SPRR2G: variants seen among roughly 807,000 people sequenced by gnomAD.
SPRR2G encodes small proline rich protein 2G.
Under a neutral mutation model 0.7 loss-of-function variants are expected in SPRR2G, and 1 was observed. The ratio of observed to expected loss-of-function variants is 1.49; its 90% CI spans 0.53 to 7.06. The LOEUF is 7.06. Ranked by LOEUF, SPRR2G falls within the 30% of genes most tolerant of loss-of-function variation. The probability of loss-of-function intolerance (pLI) is 0.14; values close to 1 mark genes in which losing one functional copy is unlikely to be tolerated. For synonymous variants in SPRR2G, 38 were observed against 33.9 expected (o/e 1.12, Z -0.42); for missense variants, 96 against 88.5 (o/e 1.09, Z -0.34).
chr1:153,185,555 T>C, the SPRR2G span, among the ~76,000 whole-genome samples: 1 of 152,190 alleles, frequency 6.6e-6, no homozygotes, highest in Non-Finnish European at 1.5e-5. Context: ...GAGGGATCAG[T>C]GGTGATATCC....
the SPRR2G span, among the ~76,000 whole-genome samples, chr1:153,166,451 T>TTTGTTG: frequency 6.6e-6 from 1 of 152,094 alleles, no homozygotes; most frequent in African/African-American, 2.4e-5. Context: ...TACAAGCCTT[T>TTTGTTG]TTGTTGTTGT....
the SPRR2G span, among the ~76,000 whole-genome samples, chr1:153,173,781 C>G: frequency 3.7e-4 from 57 of 152,238 alleles, no homozygotes; most frequent in African/African-American, 1.3e-3. Context: ...GAGTTCCTTC[C>G]ATGGGGTTGG....
chr1:153,193,875 A>G, the SPRR2G span, among the ~76,000 whole-genome samples: 1 of 152,152 alleles, frequency 6.6e-6, no homozygotes, highest in African/African-American at 2.4e-5. Flanking sequence ...TAGAGCAATC[A>G]TACCTCCTCA....
At chr1:153,176,865 C>T in the SPRR2G span, among the ~76,000 whole-genome samples, 1 of 152,130 alleles carries the variant, frequency 6.6e-6, no homozygotes, top group African/African-American at 2.4e-5. Context: ...TTTATCTCAA[C>T]AAAGAACTTA....
At position 153,150,032 on chromosome 1, in the gene SPRR2G, A is replaced by G. The variant is rs772655421; in HGVS notation, c.79T>C (p.Cys27Arg). 1 of 1,613,644 alleles carries G rather than the reference A, an allele frequency of 6.2e-7. No individual in the cohort carries two copies. Among genetic ancestry groups the G allele is most frequent in the South Asian group, 1.1e-5 (1 of 91,066 alleles). The change falls in exon 2 of 2, where the codon TGT (cysteine) becomes CGT (arginine). Residue 27 changes from cysteine to arginine, a missense_variant. Coordinates refer to ENST00000368748, the MANE Select transcript of SPRR2G (RefSeq NM_001014291.4). ...VCPTPKCPEP[C>R]PPPKCPEPYL... is the part of the protein sequence containing the mutation. ...GGCTCAGGGCACTTCGGGGGTGGAC[A>G]TGGCTCTGGGCACTTTGGCGTGGGG...
chr1:153,174,941 CACTT>C, the SPRR2G span, among the ~76,000 whole-genome samples: 1 of 152,116 alleles, frequency 6.6e-6, no homozygotes, highest in Non-Finnish European at 1.5e-5. Context: ...AAAGAAGAAA[CACTT>C]AATACCTCAG....
the SPRR2G span, among the ~76,000 whole-genome samples, chr1:153,167,331 A>G: frequency 2.0e-5 from 3 of 152,074 alleles, no homozygotes; most frequent in Admixed American, 2.0e-4. Context: ...AAAATTAGCC[A>G]GGCGTGGTGG....
chr1:153,194,462 G>A, the SPRR2G span, among the ~76,000 whole-genome samples: 1 of 152,312 alleles, frequency 6.6e-6, no homozygotes, highest in Admixed American at 6.5e-5. Flanking sequence ...CCTGAGAAGA[G>A]GGTGTTAGCA....
chr1:153,155,903 A>C, the SPRR2G span, among the ~76,000 whole-genome samples: 1 of 152,192 alleles, frequency 6.6e-6, no homozygotes, highest in Non-Finnish European at 1.5e-5. Context: ...ACCCTACCTA[A>C]GAGTCCCATA....
the SPRR2G span, among the ~76,000 whole-genome samples, chr1:153,181,704 T>G: frequency 6.6e-6 from 1 of 152,010 alleles, no homozygotes; most frequent in Non-Finnish European, 1.5e-5. Flanking sequence ...CTATTTAACA[T>G]AATGACCTCC....
the SPRR2G span, among the ~76,000 whole-genome samples, chr1:153,168,485 T>C: frequency 6.6e-6 from 1 of 152,198 alleles, no homozygotes; most frequent in Non-Finnish European, 1.5e-5. Context: ...TTTATAACAA[T>C]CTGGTTTTGA....
chr1:153,166,501 T>C, the SPRR2G span, among the ~76,000 whole-genome samples: 1 of 152,228 alleles, frequency 6.6e-6, no homozygotes, highest in Admixed American at 6.5e-5. Flanking sequence ...GTTCCTAATA[T>C]CAGCAGCAAC....
At chr1:153,183,171 C>T in the SPRR2G span, among the ~76,000 whole-genome samples, 4 of 142,074 alleles carry the variant, frequency 2.8e-5, no homozygotes, top group Non-Finnish European at 6.1e-5. Context: ...TGGGTTCAAG[C>T]GATTCTTTAA....
At chr1:153,165,239 T>C in the SPRR2G span, among the ~76,000 whole-genome samples, 2 of 152,114 alleles carry the variant, frequency 1.3e-5, no homozygotes, top group Non-Finnish European at 2.9e-5. Flanking sequence ...GATCAAAATA[T>C]AGGTGATTCT....
chr1:153,187,800 T>C, the SPRR2G span, among the ~76,000 whole-genome samples: 1,983 of 152,310 alleles, frequency 0.013, 35 homozygotes, highest in African/African-American at 0.034. Context: ...TTTGGAATTT[T>C]CAGCATTTTG....
the SPRR2G span, among the ~76,000 whole-genome samples, chr1:153,176,840 T>G: frequency 6.6e-6 from 1 of 152,154 alleles, no homozygotes; most frequent in Non-Finnish European, 1.5e-5. Context: ...GTATGTAGAT[T>G]TCTGGTAGTG....
chr1:153,196,019 T>G, the SPRR2G span, among the ~76,000 whole-genome samples: 1 of 152,252 alleles, frequency 6.6e-6, no homozygotes, highest in East Asian at 1.9e-4. Context: ...TGTACCATCC[T>G]TCCCCTTCCT....
the SPRR2G span, among the ~76,000 whole-genome samples, chr1:153,194,826 T>C: frequency 6.6e-6 from 1 of 152,086 alleles, no homozygotes; most frequent in African/African-American, 2.4e-5. Flanking sequence ...CTTGGCTGAG[T>C]GCTGTGCTCC....
At chr1:153,203,244 C>T in the SPRR2G span, among the ~76,000 whole-genome samples, 14 of 152,154 alleles carry the variant, frequency 9.2e-5, no homozygotes, top group Non-Finnish European at 1.3e-4. Flanking sequence ...ATTTTACCAG[C>T]CTGAATGTTG....
Sources: allele counts gnomAD v4.1 joint callset (sites outside exome capture counted in the v4.1 genomes callset), GRCh38; gene constraint gnomAD v4.1.1; transcripts MANE v1.5; gene names NCBI Gene and HGNC (gene_info 2026-07-23, HGNC 2026-07-21).